LRRC49: variants seen among roughly 807,000 people sequenced by gnomAD.
LRRC49 encodes the protein leucine-rich repeat-containing protein 49.
LRRC49 carries 50 observed loss-of-function variants against 83.3 expected under a neutral mutation model. That is an observed-to-expected ratio of 0.60 (90% CI 0.48 to 0.76). LRRC49 has a LOEUF of 0.76. Among genes scored for constraint, LRRC49 ranks in the 30% least tolerant of loss-of-function variants. The pLI, the probability that LRRC49 is intolerant of heterozygous loss-of-function variation, is 0.00. For missense variants in LRRC49, 704 were observed against 809.1 expected, an observed-to-expected ratio of 0.87 and a Z score of 1.58; for synonymous variants, 286 against 283.3, an observed-to-expected ratio of 1.01 and a Z score of -0.10.
rs533818401 is a variant in LRRC49, at chr15:71,041,674, G to A, written c.1857+4342G>A. Among the ~76,000 whole-genome samples the A allele has an allele frequency of 4.5e-4, 68 of 152,102 alleles. 1 individual carries two copies. Among genetic ancestry groups the A allele is most frequent in the Non-Finnish European group, 8.7e-4 (59 of 67,996 alleles). Reference sequence around the variant, plus strand: ...ATAAGAAGAATTTCAAGCAAACTTTGTCAATTTTCTTTAACTTAAAAATTT... The same window carrying A: ...ATAAGAAGAATTTCAAGCAAACTTTATCAATTTTCTTTAACTTAAAAATTT... On this transcript the variant is annotated intron_variant, in intron 15 of 15. Coordinates refer to ENST00000260382, the MANE Select transcript of LRRC49 (RefSeq NM_017691.5).
chr15:70,949,006 T>C (rs953063403), intron 8 of LRRC49, among the ~76,000 whole-genome samples: 1 of 152,226 alleles, frequency 6.6e-6, no homozygotes, highest in Non-Finnish European at 1.5e-5. Context: ...GGCAGAGCTG[T>C]GTTTCAATAA....
At chr15:70,974,320 G>A (rs1265282439) in intron 9 of LRRC49, among the ~76,000 whole-genome samples, 2 of 152,106 alleles carry the variant, frequency 1.3e-5, no homozygotes, top group Non-Finnish European at 2.9e-5. Flanking sequence ...AAAGCATTTG[G>A]CAAAGTCTTT....
At chr15:70,861,041 T>C (rs1355344227) in intron 1 of LRRC49, among the ~76,000 whole-genome samples, 1 of 152,184 alleles carries the variant, frequency 6.6e-6, no homozygotes, top group East Asian at 1.9e-4. Context: ...GCTCTGGATT[T>C]GTTTGCTGGG....
chr15:71,048,699 T>G, intron 15 of LRRC49: 2 of 431,400 alleles, frequency 4.6e-6, no homozygotes. Context: ...TTTTAGTCTC[T>G]GTGATGAAAT....
At chr15:70,935,021 A>T in intron 7 of LRRC49, among the ~76,000 whole-genome samples, 1 of 152,108 alleles carries the variant, frequency 6.6e-6, no homozygotes, top group Non-Finnish European at 1.5e-5. Context: ...CTAGTCTATC[A>T]CTCCTCCTCC....
chr15:70,884,305 G>A (rs2033345804), intron 2 of LRRC49, among the ~76,000 whole-genome samples: 1 of 152,046 alleles, frequency 6.6e-6, no homozygotes, highest in Non-Finnish European at 1.5e-5. Flanking sequence ...GGCTGAGGCA[G>A]GAAGATCACT....
At position 70,857,511 on chromosome 15, in the gene LRRC49, A is replaced by G. The variant is rs143648178; in HGVS notation, c.-299+4042A>G. 3.2e-3 allele frequency among the ~76,000 whole-genome samples: 483 copies of G among 152,222 alleles called. 6 individuals are homozygous for G. Among genetic ancestry groups the G allele is most frequent in the African/African-American group, 0.011 (437 of 41,538 alleles). ...CATCTTCAAATTAAAGGAAAAAAAA[A>G]GGGGTCTGTTTTAACTGTAGGTTCA... On this transcript the variant is annotated intron_variant, in intron 1 of 16. Transcript: ENST00000544974.
intron 2 of LRRC49, among the ~76,000 whole-genome samples, chr15:70,884,303 C>T (rs1488879519): frequency 1.3e-5 from 2 of 152,056 alleles, no homozygotes; most frequent in African/African-American, 4.8e-5. Flanking sequence ...GAGGCTGAGG[C>T]AGGAAGATCA....
rs1009476339 is a variant in LRRC49 at position 71,050,779 on chromosome 15, T to G, written c.*1167T>G. The G allele has an allele frequency of 6.6e-5, 10 of 152,194 alleles. No homozygotes were observed. Among genetic ancestry groups the G allele is most frequent in the Non-Finnish European group, 1.5e-5 (1 of 68,056 alleles). The allele number at this position is 152,194 out of a possible 1,614,324, so 9.4% of individuals were successfully genotyped here. On this transcript the variant is annotated 3_prime_UTR_variant, in exon 16 of 16. Transcript: ENST00000260382. ...TTACTCTTCTCCCAAAAGGCGTGCT[T>G]AACTTTAACAGGTTACCATTTTTCT...
chr15:70,915,200 T>G (rs2141127693), intron 6 of LRRC49, among the ~76,000 whole-genome samples: 1 of 152,348 alleles, frequency 6.6e-6, no homozygotes, highest in East Asian at 1.9e-4. Context: ...TCTGGCCTGT[T>G]GGGTTGCAAA....
chr15:70,976,171 C>T (rs2037199395), intron 9 of LRRC49, among the ~76,000 whole-genome samples: 1 of 152,198 alleles, frequency 6.6e-6, no homozygotes, highest in Non-Finnish European at 1.5e-5. Flanking sequence ...ATAACCTATC[C>T]TGTTCTGACT....
chr15:70,888,131 T>C (rs558214882), upstream of LRRC49, among the ~76,000 whole-genome samples: 4 of 152,232 alleles, frequency 2.6e-5, no homozygotes, highest in South Asian at 4.2e-4. Flanking sequence ...ATGAATTCCA[T>C]GGAGTCATAA....
chr15:70,976,722 A>AT (rs1385075049), intron 9 of LRRC49, among the ~76,000 whole-genome samples: 2 of 151,668 alleles, frequency 1.3e-5, no homozygotes, highest in Non-Finnish European at 2.9e-5. Context: ...TTTTATTTTT[A>AT]TTTTTTGCTA....
At chr15:70,958,699 C>T (rs898963776) in intron 8 of LRRC49, among the ~76,000 whole-genome samples, 1 of 152,122 alleles carries the variant, frequency 6.6e-6, no homozygotes, top group African/African-American at 2.4e-5. Flanking sequence ...CACATCTTCA[C>T]CTTCATATAC....
At position 71,052,621 on chromosome 15, in the gene LRRC49, A is replaced by G. The variant is rs1039502840; in HGVS notation, c.*3009A>G. ...ATTCTCTTCAATGAGTAATCATCAT[A>G]ACAACAAAGATTCATTGAGCAATGT... On this transcript the variant is annotated 3_prime_UTR_variant, in exon 16 of 16. Coordinates refer to ENST00000260382, the MANE Select transcript of LRRC49 (RefSeq NM_017691.5). 1.3e-5 allele frequency: 2 copies of G among 152,368 alleles called. No individual in the cohort carries two copies. Among genetic ancestry groups the G allele is most frequent in the East Asian group, 3.9e-4 (2 of 5,192 alleles). 9.4% of individuals were successfully genotyped at this position (152,368 alleles called of 1,614,324 possible). A position where few individuals can be genotyped will look rare whatever the true frequency, so the allele number is the denominator to read the frequency against.
At chr15:70,977,636 C>CACA (rs1402266120) in intron 9 of LRRC49, among the ~76,000 whole-genome samples, 15 of 152,160 alleles carry the variant, frequency 9.9e-5, no homozygotes, top group African/African-American at 3.1e-4. Flanking sequence ...ACAAGCAAGA[C>CACA]ACAAGACTGT....
At chr15:71,019,995 C>T (rs2038944963) in intron 14 of LRRC49, among the ~76,000 whole-genome samples, 1 of 151,940 alleles carries the variant, frequency 6.6e-6, no homozygotes, top group African/African-American at 2.4e-5. Flanking sequence ...GAAACAGACC[C>T]ATGAATACTT....
At chr15:70,866,602 T>C (rs901060158) in intron 1 of LRRC49, among the ~76,000 whole-genome samples, 1 of 152,126 alleles carries the variant, frequency 6.6e-6, no homozygotes, top group African/African-American at 2.4e-5. Context: ...GTTTAAATCA[T>C]CTTCAAGATC....
chr15:70,957,700 A>G (rs2036451978), intron 8 of LRRC49, among the ~76,000 whole-genome samples: 2 of 152,260 alleles, frequency 1.3e-5, no homozygotes, highest in Non-Finnish European at 1.5e-5. Flanking sequence ...TTCAACATCT[A>G]CTGGCTCTGT....
Sources: gnomAD v4.1 joint callset for allele counts (sites outside exome capture counted in the v4.1 genomes callset) on GRCh38, gnomAD v4.1.1 for gene constraint, MANE v1.5 for transcripts, NCBI Gene and HGNC (gene_info 2026-07-23, HGNC 2026-07-21) for gene names.